XPR1: variants seen among roughly 807,000 people sequenced by gnomAD.
XPR1 encodes solute carrier family 53 member 1.
A neutral mutation model predicts 87.5 loss-of-function variants in XPR1; 28 were observed. The observed-to-expected ratio is 0.32, with a 90% CI of 0.24 to 0.44. XPR1 has a LOEUF of 0.44. XPR1 is among the 20% of genes least tolerant of loss of function. The pLI, the probability that XPR1 is intolerant of heterozygous loss-of-function variation, is 1.00. For synonymous variants in XPR1, 300 were observed against 306.1 expected, an observed-to-expected ratio of 0.98 and a Z score of 0.21; for missense variants, 559 against 862.3, an observed-to-expected ratio of 0.65 and a Z score of 4.41.
chr1:180,686,015 T>G (rs1303771605), intron 2 of XPR1, among the ~76,000 whole-genome samples: 2 of 152,236 alleles, frequency 1.3e-5, no homozygotes, highest in Non-Finnish European at 2.9e-5. Context: ...TAGTTATTTC[T>G]TGCCTTCTGC....
chr1:180,836,794 C>T, intron 11 of XPR1, 78 bp downstream of exon 11: 1 of 1,507,076 alleles, frequency 6.6e-7, no homozygotes, highest in South Asian at 1.2e-5. Context: ...ACTCTGGCTA[C>T]TTTTCCATTT....
chr1:180,771,478 A>G (rs537256222), intron 2 of XPR1, among the ~76,000 whole-genome samples: 3 of 152,316 alleles, frequency 2.0e-5, no homozygotes, highest in Non-Finnish European at 2.9e-5. Flanking sequence ...ACATGTTGGT[A>G]TAGTATTACT....
At chr1:180,755,295 T>C (rs1647689245) in intron 2 of XPR1, among the ~76,000 whole-genome samples, 1 of 152,202 alleles carries the variant, frequency 6.6e-6, no homozygotes. Context: ...TTGTTTTGCA[T>C]CATGAGTTTA....
chr1:180,765,019 T>C (rs902393040), intron 2 of XPR1, among the ~76,000 whole-genome samples: 1 of 146,550 alleles, frequency 6.8e-6, no homozygotes, highest in African/African-American at 2.5e-5. Flanking sequence ...TCTCCTGACC[T>C]CGTGATCCAC....
At chr1:180,823,400 T>C (rs943804172) in intron 7 of XPR1, among the ~76,000 whole-genome samples, 1 of 152,186 alleles carries the variant, frequency 6.6e-6, no homozygotes, top group African/African-American at 2.4e-5. Flanking sequence ...TATGAACAGG[T>C]AAGGATCCAG....
intron 2 of XPR1, among the ~76,000 whole-genome samples, chr1:180,743,795 A>C (rs116713096): frequency 1.3e-5 from 2 of 152,108 alleles, no homozygotes; most frequent in East Asian, 1.9e-4. Flanking sequence ...TTCTTGTTGC[A>C]CTTTAAAAAT....
intron 2 of XPR1, among the ~76,000 whole-genome samples, chr1:180,738,266 C>T (rs766228801): frequency 2.0e-5 from 3 of 152,156 alleles, no homozygotes; most frequent in Non-Finnish European, 4.4e-5. Flanking sequence ...CACACCTTGC[C>T]TCCCAAAGTG....
chr1:180,786,360 T>C (rs934753517), intron 2 of XPR1, among the ~76,000 whole-genome samples: 1 of 152,198 alleles, frequency 6.6e-6, no homozygotes. Flanking sequence ...GACAGTTGGA[T>C]TATTTTAAGA....
chr1:180,687,369 A>G (rs1324293434), intron 2 of XPR1, among the ~76,000 whole-genome samples: 1 of 152,180 alleles, frequency 6.6e-6, no homozygotes, highest in Non-Finnish European at 1.5e-5. Flanking sequence ...TTCTTTCATT[A>G]TCCAGAGACA....
intron 2 of XPR1, among the ~76,000 whole-genome samples, chr1:180,716,995 T>A (rs1658018626): frequency 6.6e-6 from 1 of 152,180 alleles, no homozygotes; most frequent in African/African-American, 2.4e-5. Flanking sequence ...CGTAATTTTC[T>A]TTTTCCTTTT....
rs1465739013 is a variant in XPR1, at chr1:180,803,412, G to A, written c.248G>A (p.Arg83Lys). ...GAGAAGCTCGCAGAGGCTCAGCGCAGGTTTGCTACACTTCAGAATGAGCTT... is the reference window on the plus strand; with the variant it reads ...GAGAAGCTCGCAGAGGCTCAGCGCAAGTTTGCTACACTTCAGAATGAGCTT... ...YSEKLAEAQR[R>K]FATLQNELQS... Residue 83 changes from arginine (R) to lysine (K), a missense_variant, in exon 4 of 15, where the codon AGG (arginine) becomes AAG (lysine). Coordinates refer to ENST00000367590, the MANE Select transcript of XPR1 (RefSeq NM_004736.4). The A allele has an allele frequency of 6.2e-7, 1 of 1,613,890 alleles. No homozygotes were observed. The highest frequency in any genetic ancestry group is 8.5e-7 in the Non-Finnish European group (1 of 1,179,994).
intron 9 of XPR1, among the ~76,000 whole-genome samples, chr1:180,830,058 G>T (rs181829340): frequency 6.6e-6 from 1 of 152,052 alleles, no homozygotes; most frequent in Non-Finnish European, 1.5e-5. Flanking sequence ...ATTAGAGATG[G>T]ATTTAGACTT....
intron 2 of XPR1, among the ~76,000 whole-genome samples, chr1:180,744,948 G>A (rs1659040290): frequency 6.6e-6 from 1 of 151,848 alleles, no homozygotes; most frequent in Non-Finnish European, 1.5e-5. Context: ...ACCATGCCCG[G>A]CTGGTTTAGG....
At chr1:180,666,931 T>C (rs80119816) in intron 1 of XPR1, among the ~76,000 whole-genome samples, 2 of 152,056 alleles carry the variant, frequency 1.3e-5, no homozygotes, top group African/African-American at 4.8e-5. Context: ...TTTTTTTTTT[T>C]CCATGACAAG....
chr1:180,780,844 G>C (rs952007505), intron 2 of XPR1, among the ~76,000 whole-genome samples: 3 of 151,260 alleles, frequency 2.0e-5, no homozygotes, highest in East Asian at 3.9e-4. Flanking sequence ...AGATAGTCCT[G>C]ATATGGGTTT....
chr1:180,825,167 T>G lies in XPR1; in HGVS notation c.957T>G (p.Ile319Met). The change falls in exon 9 of 15, where the codon ATT becomes ATG. Residue 319 changes from isoleucine to methionine, a missense_variant and splice_region_variant. Physicochemically the swap from Ile to Met is conservative, Grantham distance 10. Transcript: ENST00000367590. ...CTGTCTTCCCCATCCTTTACTAGAT[T>G]GCTGGATTCCTCGGGATATTGTGGT... is the stretch of plus-strand genomic sequence containing the variant. ...SNLSHQHLFE[I>M]AGFLGILWCL... 6.2e-7 allele frequency: 1 copy of G among 1,603,086 alleles called. No homozygotes were observed. The highest frequency in any genetic ancestry group is 8.5e-7 in the Non-Finnish European group (1 of 1,176,998).
intron 1 of XPR1, among the ~76,000 whole-genome samples, chr1:180,660,853 A>G (rs1319813525): frequency 1.3e-5 from 2 of 152,212 alleles, no homozygotes; most frequent in South Asian, 2.1e-4. Context: ...GTAAATATCT[A>G]TTAGGTCCAT....
chr1:180,669,772 A>G (rs1458833816), intron 1 of XPR1, among the ~76,000 whole-genome samples: 2 of 152,180 alleles, frequency 1.3e-5, no homozygotes, highest in African/African-American at 4.8e-5. Flanking sequence ...TTTCCCATAC[A>G]TATATATGTA....
At chr1:180,879,717 C>A (rs1312859092) in intron 13 of XPR1, among the ~76,000 whole-genome samples, 1 of 152,170 alleles carries the variant, frequency 6.6e-6, no homozygotes, top group Non-Finnish European at 1.5e-5. Context: ...TGTTTACTTG[C>A]TCATTGTCTG....
Sources: allele counts gnomAD v4.1 joint callset (sites outside exome capture counted in the v4.1 genomes callset), GRCh38; gene constraint gnomAD v4.1.1; transcripts MANE v1.5; gene names NCBI Gene and HGNC (gene_info 2026-07-23, HGNC 2026-07-21).